Variants in LOC400499 observed in about 807,000 individuals in gnomAD.
the LOC400499 span, among the ~76,000 whole-genome samples, chr16:11,373,544 C>T: frequency 6.6e-6 from 1 of 151,898 alleles, no homozygotes; most frequent in African/African-American, 2.4e-5. Context: ...AGGCTGGTCT[C>T]GAACTTTTGA....
the LOC400499 span, among the ~76,000 whole-genome samples, chr16:11,502,937 T>TTTTTTAAA: frequency 6.8e-6 from 1 of 146,244 alleles, no homozygotes; most frequent in African/African-American, 2.6e-5. Context: ...TTTTTTTTTT[T>TTTTTTAAA]AAGAGACAGG....
chr16:11,488,088 G>A, the LOC400499 span, among the ~76,000 whole-genome samples: 3 of 149,454 alleles, frequency 2.0e-5, no homozygotes, highest in African/African-American at 7.5e-5. Flanking sequence ...CTGTACTCCA[G>A]CCTGGGCAAT....
chr16:11,505,108 G>A, the LOC400499 span, among the ~76,000 whole-genome samples: 1 of 148,602 alleles, frequency 6.7e-6, no homozygotes, highest in Non-Finnish European at 1.5e-5. Flanking sequence ...ACCAGCTCCT[G>A]AACCCACACT....
At chr16:11,376,662 T>A in the LOC400499 span, among the ~76,000 whole-genome samples, 2 of 152,226 alleles carry the variant, frequency 1.3e-5, no homozygotes, top group Non-Finnish European at 2.9e-5. Flanking sequence ...AAGATTGTTT[T>A]GGCCATTTGG....
At chr16:11,467,631 A>G in the LOC400499 span, among the ~76,000 whole-genome samples, 3 of 152,136 alleles carry the variant, frequency 2.0e-5, no homozygotes, top group African/African-American at 4.8e-5. Context: ...AAATAAAAAT[A>G]AAAAAACAAA....
At chr16:11,398,653 A>G in the LOC400499 span, 7 of 515,700 alleles carry the variant, frequency 1.4e-5, no homozygotes, top group Non-Finnish European at 2.0e-5. Context: ...ACCCCCTTAC[A>G]CTCTGCGGCA....
At chr16:11,433,636 G>T in the LOC400499 span, among the ~76,000 whole-genome samples, 2 of 152,300 alleles carry the variant, frequency 1.3e-5, no homozygotes, top group Non-Finnish European at 1.5e-5. Context: ...TCAACAGAAA[G>T]ATCAAGCCAT....
the LOC400499 span, among the ~76,000 whole-genome samples, chr16:11,523,915 C>T: frequency 7.0e-6 from 1 of 142,594 alleles, no homozygotes; most frequent in East Asian, 2.1e-4. Flanking sequence ...CACCCCCACC[C>T]CCACTCCTAT....
chr16:11,476,697 C>G, the LOC400499 span: 263 of 399,366 alleles, frequency 6.6e-4, 1 homozygote, highest in East Asian at 7.7e-3. Flanking sequence ...CAAGCACACA[C>G]ACCACACACC....
chr16:11,384,580 G>C, the LOC400499 span, among the ~76,000 whole-genome samples: 1 of 152,220 alleles, frequency 6.6e-6, no homozygotes, highest in East Asian at 1.9e-4. Context: ...CTCAGCTCAA[G>C]TGGCTGGAAT....
chr16:11,492,079 C>A, the LOC400499 span, among the ~76,000 whole-genome samples: 7 of 152,192 alleles, frequency 4.6e-5, no homozygotes, highest in Admixed American at 2.0e-4. Flanking sequence ...AGAGCCTCAT[C>A]AATTCCCCAA....
At chr16:11,462,703 A>G in the LOC400499 span, among the ~76,000 whole-genome samples, 1 of 152,138 alleles carries the variant, frequency 6.6e-6, no homozygotes, top group Non-Finnish European at 1.5e-5. Flanking sequence ...GATTACAGGC[A>G]TGAACTACTG....
At chr16:11,475,768 G>C in the LOC400499 span, 32 of 398,074 alleles carry the variant, frequency 8.0e-5, no homozygotes, top group African/African-American at 5.9e-4. Flanking sequence ...TCATTCATTA[G>C]ACAAGTAACA....
the LOC400499 span, among the ~76,000 whole-genome samples, chr16:11,375,088 T>A: frequency 6.6e-6 from 1 of 151,688 alleles, no homozygotes; most frequent in East Asian, 1.9e-4. Flanking sequence ...CCTCAAGTGA[T>A]TCGCCCACCC....
the LOC400499 span, among the ~76,000 whole-genome samples, chr16:11,408,815 T>C: frequency 6.6e-6 from 1 of 152,126 alleles, no homozygotes. Flanking sequence ...GGGAATTATA[T>C]CTGCAACTTA....
chr16:11,501,247 C>T, the LOC400499 span, among the ~76,000 whole-genome samples: 1 of 152,068 alleles, frequency 6.6e-6, no homozygotes, highest in Admixed American at 6.5e-5. Context: ...TGAAACCCAC[C>T]CAAGCAAATG....
chr16:11,494,692 G>A, the LOC400499 span: 1 of 399,408 alleles, frequency 2.5e-6, no homozygotes, highest in Non-Finnish European at 4.4e-6. Flanking sequence ...GAGAAGCACA[G>A]AGGTTGTGCA....
At chr16:11,381,126 G>C in the LOC400499 span, 4 of 152,186 alleles carry the variant, frequency 2.6e-5, no homozygotes, top group South Asian at 2.1e-4. Context: ...TTATGCTGCT[G>C]AGTCCTTGGA....
the LOC400499 span, among the ~76,000 whole-genome samples, chr16:11,463,491 T>G: frequency 6.6e-6 from 1 of 150,718 alleles, no homozygotes; most frequent in Non-Finnish European, 1.5e-5. Context: ...GACATGTGGG[T>G]GCATACAGAT....
Sources: allele counts gnomAD v4.1 joint callset (sites outside exome capture counted in the v4.1 genomes callset), GRCh38; gene constraint gnomAD v4.1.1; transcripts MANE v1.5.